Variants in IFT80 observed in about 807,000 individuals in gnomAD.
IFT80 encodes intraflagellar transport 80.
IFT80 carries 79 observed loss-of-function variants against 107.9 expected under a neutral mutation model. The observed-to-expected ratio is 0.73, with a 90% CI of 0.61 to 0.88. The LOEUF (loss-of-function observed/expected upper bound fraction) is 0.88, where lower values mean the gene tolerates loss of function less well. IFT80 is among the 40% of genes least tolerant of loss of function. The pLI is 0.00. For synonymous variants in IFT80, 299 were observed against 300.9 expected (o/e 0.99, Z 0.07); for missense variants, 797 against 914.2 (o/e 0.87, Z 1.65).
At chr3:160,397,716 C>CT (rs545413654) in intron 1 of IFT80, among the ~76,000 whole-genome samples, 32,516 of 96,388 alleles carry the variant, frequency 0.34, 7,734 homozygotes, top group Non-Finnish European at 0.45. Flanking sequence ...TTGGTCTATA[C>CT]TTTTTTTTTT....
intron 1 of IFT80, among the ~76,000 whole-genome samples, chr3:160,396,751 A>G (rs1355006390): frequency 1.3e-5 from 2 of 152,212 alleles, no homozygotes; most frequent in Non-Finnish European, 2.9e-5. Context: ...CTTTGTAATT[A>G]AACTCTGTTA....
Position 160,280,785 on chromosome 3 carries a change from C to G in IFT80, c.1546G>C (p.Asp516His). The G allele has an allele frequency of 6.2e-7, 1 of 1,613,112 alleles. No individual in the cohort carries two copies. Among genetic ancestry groups the G allele is most frequent in the Non-Finnish European group, 8.5e-7 (1 of 1,179,414 alleles). Residue 516 changes from aspartate to histidine, a missense_variant, in exon 15 of 20, where the codon GAT becomes CAT. Transcript: ENST00000326448. ...AGTCCACAAAGGATATTGCATGTAT[C>G]GTTCCATGCCAAAGTATGCACCATT... ...GTMVHTLAWNDTCNILCGLQD... is the reference protein window; with the variant it reads ...GTMVHTLAWNHTCNILCGLQD...
intron 5 of IFT80, among the ~76,000 whole-genome samples, chr3:160,367,414 C>T (rs905409356): frequency 6.6e-6 from 1 of 152,110 alleles, no homozygotes. Context: ...CCTGATGCTA[C>T]AACAGGCAAT....
chr3:160,359,238 TCTACTACCTCCTGGCC>T (rs554685751), intron 6 of IFT80, among the ~76,000 whole-genome samples: 110 of 152,346 alleles, frequency 7.2e-4, no homozygotes, highest in African/African-American at 2.6e-3. Flanking sequence ...TTTGATTCAC[TCTACTACCTCCTGGCC>T]CAGAGGTTCT....
intron 12 of IFT80, chr3:160,299,287 A>G: frequency 9.2e-7 from 1 of 1,091,704 alleles, no homozygotes; most frequent in Non-Finnish European, 1.2e-6. Context: ...AAATGAAGAG[A>G]TAGAAAAGCT....
chr3:160,364,185 G>A (rs1721697162), intron 6 of IFT80, among the ~76,000 whole-genome samples: 1 of 151,100 alleles, frequency 6.6e-6, no homozygotes, highest in African/African-American at 2.4e-5. Flanking sequence ...ATCAAAAAGT[G>A]GGCAAAGGAT....
chr3:160,377,628 A>C, intron 3 of IFT80, 88 bp from the exon 4 acceptor site: 1 of 673,624 alleles, frequency 1.5e-6, no homozygotes, highest in Non-Finnish European at 2.6e-6. Context: ...CACTAAAGGC[A>C]TAAAGGCAAA....
At chr3:160,363,392 A>T (rs1721638295) in intron 6 of IFT80, among the ~76,000 whole-genome samples, 1 of 152,208 alleles carries the variant, frequency 6.6e-6, no homozygotes, top group Admixed American at 6.5e-5. Context: ...AGAACATTCC[A>T]TGCTTATAGA....
chr3:160,297,064 T>C (rs1217764522), intron 12 of IFT80, among the ~76,000 whole-genome samples: 1 of 152,188 alleles, frequency 6.6e-6, no homozygotes, highest in Non-Finnish European at 1.5e-5. Context: ...TAGTTCTCTA[T>C]TTCCAGCCTC....
chr3:160,309,765 T>C (rs373354347), intron 9 of IFT80, among the ~76,000 whole-genome samples: 4 of 151,920 alleles, frequency 2.6e-5, no homozygotes, highest in East Asian at 1.9e-4. Context: ...TATGAAGATA[T>C]ATGGATTTGC....
At chr3:160,274,916 T>C (rs1714127579) in intron 18 of IFT80, among the ~76,000 whole-genome samples, 1 of 152,178 alleles carries the variant, frequency 6.6e-6, no homozygotes, top group South Asian at 2.1e-4. Context: ...CGAGACTCCG[T>C]CTCAAAAAAA....
At position 160,381,627 on chromosome 3, in the gene IFT80, A is replaced by C. The variant is rs762238566; in HGVS notation, c.135T>G (p.Ser45Arg). Reference sequence around the variant, plus strand: ...GAAGCTTTACTATTTGAGTTGTTTCACTGGTTAACAAGTTCCACTTCACTA... The same window carrying C: ...GAAGCTTTACTATTTGAGTTGTTTCCCTGGTTAACAAGTTCCACTTCACTA... ...HQIVKWNLLT[S>R]ETTQIVKLPD... Residue 45 changes from serine (S) to arginine (R), a missense_variant, in exon 3 of 20, where the codon AGT becomes AGG. Physicochemically the swap from Ser to Arg is moderately radical, Grantham distance 110. Transcript: ENST00000326448. 6.8e-6 allele frequency: 11 copies of C among 1,612,760 alleles called. No homozygotes were observed. Among genetic ancestry groups the C allele is most frequent in the Non-Finnish European group, 9.3e-6 (11 of 1,179,878 alleles).
intron 19 of IFT80, among the ~76,000 whole-genome samples, chr3:160,265,383 A>G (rs1197401457): frequency 1.3e-5 from 2 of 152,146 alleles, no homozygotes; most frequent in Non-Finnish European, 2.9e-5. Flanking sequence ...CAAAATTTTA[A>G]ACTTTCTGAA....
chr3:160,321,561 C>A (rs1033955984), intron 8 of IFT80, among the ~76,000 whole-genome samples: 1 of 151,928 alleles, frequency 6.6e-6, no homozygotes, highest in Non-Finnish European at 1.5e-5. Context: ...AAAACCTATG[C>A]ATCCTATGTT....
rs751956833 is a variant in IFT80, at chr3:160,285,812, A to G, written c.1372T>C (p.Ser458Pro). ...TAGTTAATGTCCATTACCTTATGAG[A>G]AAGAAACTTTCCATCACCTAACGGC... ...GKPLGDGKFL[S>P]HKNEILEIAL... The change falls in exon 13 of 20, where the codon TCT becomes CCT. Residue 458 changes from serine (S) to proline (P), a missense_variant. Coordinates refer to ENST00000326448, the MANE Select transcript of IFT80 (RefSeq NM_020800.3). 6.2e-7 allele frequency: 1 copy of G among 1,607,598 alleles called. No homozygotes were observed. The highest frequency in any genetic ancestry group is 2.2e-5 in the East Asian group (1 of 44,734).
At chr3:160,262,940 A>T (rs1320060336) in intron 19 of IFT80, among the ~76,000 whole-genome samples, 1 of 152,138 alleles carries the variant, frequency 6.6e-6, no homozygotes, top group Non-Finnish European at 1.5e-5. Context: ...CAAGGCAATA[A>T]ATTTAGTTTT....
intron 12 of IFT80, among the ~76,000 whole-genome samples, chr3:160,296,190 T>C (rs1715968761): frequency 6.6e-6 from 1 of 152,190 alleles, no homozygotes; most frequent in African/African-American, 2.4e-5. Flanking sequence ...CAAATAAAAA[T>C]AAATTTCAAT....
At chr3:160,321,645 A>T (rs186921388) in intron 8 of IFT80, among the ~76,000 whole-genome samples, 1 of 151,882 alleles carries the variant, frequency 6.6e-6, no homozygotes, top group Non-Finnish European at 1.5e-5. Context: ...ACAATGTCTA[A>T]TAATACAATA....
intron 18 of IFT80, among the ~76,000 whole-genome samples, chr3:160,272,939 T>A (rs1363726528): frequency 6.6e-6 from 1 of 152,180 alleles, no homozygotes; most frequent in Non-Finnish European, 1.5e-5. Context: ...ATAAACAAAT[T>A]CAAGCCCTGT....
Sources: allele counts gnomAD v4.1 joint callset (sites outside exome capture counted in the v4.1 genomes callset), GRCh38; gene constraint gnomAD v4.1.1; transcripts MANE v1.5; gene names NCBI Gene and HGNC (gene_info 2026-07-23, HGNC 2026-07-21).